PSMD14: variants seen among roughly 807,000 people sequenced by gnomAD.
The protein encoded by PSMD14 is ubiquitin C-terminal hydrolase PSMD14.
Under a neutral mutation model 41.2 loss-of-function variants are expected in PSMD14, and 7 were observed. That is an observed-to-expected ratio of 0.17 (90% confidence interval 0.10 to 0.32). The LOEUF (loss-of-function observed/expected upper bound fraction) is 0.32, where lower values mean the gene tolerates loss of function less well. Ranked by LOEUF, PSMD14 falls within the 10% of genes least tolerant of loss-of-function variation. The probability of loss-of-function intolerance (pLI) is 1.00; values close to 1 mark genes in which losing one functional copy is unlikely to be tolerated. For synonymous variants in PSMD14, 114 were observed against 122.3 expected, an observed-to-expected ratio of 0.93 and a Z score of 0.45; for missense variants, 139 against 375.6, an observed-to-expected ratio of 0.37 and a Z score of 5.21.
intron 3 of PSMD14, among the ~76,000 whole-genome samples, chr2:161,343,124 A>G (rs1447931470): frequency 6.6e-6 from 1 of 152,150 alleles, no homozygotes; most frequent in East Asian, 1.9e-4. Context: ...TGATCAGTTC[A>G]GGTATGTTCA....
intron 10 of PSMD14, among the ~76,000 whole-genome samples, chr2:161,405,566 A>G (rs1230404744): frequency 6.6e-6 from 1 of 152,168 alleles, no homozygotes; most frequent in East Asian, 1.9e-4. Flanking sequence ...TCATGCCTAT[A>G]TTGATGTTTA....
At chr2:161,319,145 T>C (rs571829088) in intron 3 of PSMD14, 56 of 305,964 alleles carry the variant, frequency 1.8e-4, no homozygotes, top group Non-Finnish European at 2.6e-4. Context: ...AAGTTGGCTT[T>C]TAGGAAAAAA....
intron 3 of PSMD14, among the ~76,000 whole-genome samples, chr2:161,361,090 A>C (rs1247439216): frequency 6.6e-6 from 1 of 152,228 alleles, no homozygotes; most frequent in African/African-American, 2.4e-5. Flanking sequence ...CCCAGATCAA[A>C]TAGGCATTCA....
chr2:161,406,599 T>C (rs1295644025), intron 10 of PSMD14, among the ~76,000 whole-genome samples: 1 of 152,140 alleles, frequency 6.6e-6, no homozygotes, highest in Non-Finnish European at 1.5e-5. Flanking sequence ...ACAGGTAACT[T>C]GGGTAGATAG....
At chr2:161,392,047 TG>T (rs1683719436) in intron 9 of PSMD14, among the ~76,000 whole-genome samples, 1 of 152,226 alleles carries the variant, frequency 6.6e-6, no homozygotes, top group African/African-American at 2.4e-5. Flanking sequence ...TAACATTACC[TG>T]ACGTTTTGAT....
At position 161,314,636 on chromosome 2, in the gene PSMD14, CAT is replaced by C. The variant is rs139792532; in HGVS notation, c.-137-1800_-137-1799del. Among the ~76,000 whole-genome samples, 1,044 of 152,332 alleles carry C rather than the reference CAT, an allele frequency of 6.9e-3. 9 individuals carry two copies. Among genetic ancestry groups the C allele is most frequent in the African/African-American group, 0.023 (942 of 41,578 alleles). ...ATTTCATATACATGGAATCACATAA[CAT>C]GTGAGCTTTTGTGCCTGGCTTCTTT... On this transcript the variant is annotated intron_variant, in intron 1 of 11. Transcript: ENST00000409682.
intron 3 of PSMD14, among the ~76,000 whole-genome samples, chr2:161,358,487 C>T (rs752767383): frequency 3.5e-4 from 53 of 152,132 alleles, no homozygotes; most frequent in African/African-American, 1.2e-3. Context: ...GGATAAAAAC[C>T]GTGCGCTGTC....
intron 3 of PSMD14, among the ~76,000 whole-genome samples, chr2:161,348,294 G>A (rs993816739): frequency 5.9e-5 from 9 of 152,090 alleles, no homozygotes; most frequent in East Asian, 1.9e-4. Context: ...TAGGCTCATG[G>A]ACCATATGAT....
chr2:161,329,380 C>A (rs1559039441), intron 3 of PSMD14, among the ~76,000 whole-genome samples: 1 of 152,074 alleles, frequency 6.6e-6, no homozygotes, highest in East Asian at 1.9e-4. Context: ...TAAGCACTGG[C>A]ATAGTAGTAT....
chr2:161,327,983 T>TGTGTGTGTGA (rs1425339320), intron 3 of PSMD14, among the ~76,000 whole-genome samples: 1 of 148,992 alleles, frequency 6.7e-6, no homozygotes, highest in Non-Finnish European at 1.5e-5. Context: ...TGTGTGTGTG[T>TGTGTGTGTGA]GAGATGTTGG....
At chr2:161,341,329 C>A in intron 3 of PSMD14, 1 of 1,012,226 alleles carries the variant, frequency 9.9e-7, no homozygotes, top group Non-Finnish European at 1.2e-6. Context: ...GCCTCCATCG[C>A]GCCGCGGCCG....
chr2:161,376,430 AG>A (rs1683503301), intron 7 of PSMD14, among the ~76,000 whole-genome samples: 1 of 151,936 alleles, frequency 6.6e-6, no homozygotes, highest in South Asian at 2.1e-4. Context: ...ATCAAGAACT[AG>A]AATATTAAAA....
At chr2:161,310,571 CTT>C (rs1275625207) in intron 1 of PSMD14, among the ~76,000 whole-genome samples, 1 of 152,170 alleles carries the variant, frequency 6.6e-6, no homozygotes, top group Non-Finnish European at 1.5e-5. Flanking sequence ...TAAATAATCT[CTT>C]CTAGTTCTAA....
chr2:161,360,504 G>A (rs371726375), intron 3 of PSMD14, among the ~76,000 whole-genome samples: 5 of 151,976 alleles, frequency 3.3e-5, no homozygotes, highest in South Asian at 2.1e-4. Flanking sequence ...ATAGGTACCC[G>A]CCACCATGCC....
chr2:161,340,847 C>T, intron 3 of PSMD14: 1 of 1,613,970 alleles, frequency 6.2e-7, no homozygotes, highest in Non-Finnish European at 8.5e-7. Flanking sequence ...CCTCCAGCTC[C>T]TCTTTGGTCA....
chr2:161,320,337 A>T (rs900930884), intron 3 of PSMD14, among the ~76,000 whole-genome samples: 17 of 152,206 alleles, frequency 1.1e-4, no homozygotes, highest in African/African-American at 4.1e-4. Context: ...ACATGAAATA[A>T]TGGTTTTACT....
intron 7 of PSMD14, among the ~76,000 whole-genome samples, chr2:161,377,517 A>G (rs1265293066): frequency 6.6e-6 from 1 of 151,924 alleles, no homozygotes; most frequent in Admixed American, 6.6e-5. Context: ...AGTTTATCAC[A>G]TTTATTTAGC....
intron 3 of PSMD14, chr2:161,341,013 G>C (rs1415407338): frequency 6.2e-7 from 1 of 1,610,070 alleles, no homozygotes; most frequent in Non-Finnish European, 8.5e-7. Flanking sequence ...CTGCTCCTCC[G>C]CCTCCGCTGG....
At chr2:161,398,086 A>G (rs948263750) in intron 10 of PSMD14, among the ~76,000 whole-genome samples, 1 of 152,122 alleles carries the variant, frequency 6.6e-6, no homozygotes, top group Non-Finnish European at 1.5e-5. Context: ...AGTTTTTCCT[A>G]TTTTACAGTT....
Sources: allele counts gnomAD v4.1 joint callset (sites outside exome capture counted in the v4.1 genomes callset), GRCh38; gene constraint gnomAD v4.1.1; transcripts MANE v1.5; gene names NCBI Gene and HGNC (gene_info 2026-07-23, HGNC 2026-07-21).